The following NRCAM variants were observed in gnomAD, a reference collection of about 807,000 sequenced individuals.
The protein encoded by NRCAM is neuronal cell adhesion molecule.
Under a neutral mutation model 156.5 loss-of-function variants are expected in NRCAM, and 83 were observed. The observed-to-expected ratio is 0.53, with a 90% CI of 0.44 to 0.64. NRCAM has a LOEUF of 0.64. NRCAM is among the 30% of genes least tolerant of loss of function. The pLI is 0.00. For synonymous variants in NRCAM, 538 were observed against 563.9 expected, an observed-to-expected ratio of 0.95 and a Z score of 0.65; for missense variants, 1,417 against 1,597.3, an observed-to-expected ratio of 0.89 and a Z score of 1.92.
intron 7 of NRCAM, among the ~76,000 whole-genome samples, chr7:108,231,384 C>T (rs1012579014): frequency 2.8e-4 from 42 of 152,064 alleles, no homozygotes; most frequent in African/African-American, 1.0e-3. Context: ...TCAGTGATTC[C>T]ACAGCTGAGA....
intron 8 of NRCAM, among the ~76,000 whole-genome samples, chr7:108,227,294 A>C (rs1020152941): frequency 3.3e-5 from 5 of 152,234 alleles, no homozygotes; most frequent in African/African-American, 1.2e-4. Flanking sequence ...TTAAGGAACT[A>C]TCTTGCCTTA....
At chr7:108,357,046 T>A (rs1182066509) in intron 2 of NRCAM, among the ~76,000 whole-genome samples, 1 of 152,160 alleles carries the variant, frequency 6.6e-6, no homozygotes, top group Non-Finnish European at 1.5e-5. Flanking sequence ...AAGGGGACCC[T>A]CACCAGACAC....
At chr7:108,348,800 C>G (rs1410332386) in intron 2 of NRCAM, among the ~76,000 whole-genome samples, 1 of 150,994 alleles carries the variant, frequency 6.6e-6, no homozygotes, top group Non-Finnish European at 1.5e-5. Context: ...ACTCGGGAGG[C>G]TGAGGCAGGA....
intron 1 of NRCAM, among the ~76,000 whole-genome samples, chr7:108,431,648 G>A (rs947616166): frequency 2.6e-5 from 4 of 152,088 alleles, no homozygotes; most frequent in Admixed American, 2.6e-4. Flanking sequence ...AGCCAAGCAC[G>A]GTGACATGCA....
At chr7:108,436,739 C>T (rs1292043997) in intron 1 of NRCAM, among the ~76,000 whole-genome samples, 2 of 152,082 alleles carry the variant, frequency 1.3e-5, no homozygotes, top group Non-Finnish European at 2.9e-5. Context: ...TGACTACCTA[C>T]AGTGAAATGA....
At chr7:108,177,669 G>GTGTATATATATATA (rs2061364386) in intron 26 of NRCAM, among the ~76,000 whole-genome samples, 2 of 16,694 alleles carry the variant, frequency 1.2e-4, no homozygotes, top group African/African-American at 2.0e-4. Context: ...ATGTATATAC[G>GTGTATATATATATA]TGTATATATA....
intron 1 of NRCAM, among the ~76,000 whole-genome samples, chr7:108,436,578 G>A (rs1017559189): frequency 1.3e-5 from 2 of 152,116 alleles, no homozygotes; most frequent in African/African-American, 4.8e-5. Flanking sequence ...CAGGGGAGCT[G>A]ATTTTCTATT....
intron 2 of NRCAM, among the ~76,000 whole-genome samples, chr7:108,369,579 C>T (rs2099615641): frequency 6.6e-6 from 1 of 151,950 alleles, no homozygotes; most frequent in Non-Finnish European, 1.5e-5. Context: ...GCTCATATCA[C>T]ATTTGTAGGG....
At chr7:108,197,866 T>A in intron 14 of NRCAM, 90 bp downstream of exon 14, 2 of 965,376 alleles carry the variant, frequency 2.1e-6, no homozygotes, top group Non-Finnish European at 3.0e-6. Flanking sequence ...TTGCACATAG[T>A]AGATGCTCAA....
intron 3 of NRCAM, among the ~76,000 whole-genome samples, chr7:108,250,308 C>T: frequency 6.6e-6 from 1 of 151,684 alleles, no homozygotes. Flanking sequence ...CACCTGTAGT[C>T]CCAACTACGC....
intron 2 of NRCAM, among the ~76,000 whole-genome samples, chr7:108,329,914 T>G (rs1281413125): frequency 6.6e-6 from 1 of 152,216 alleles, no homozygotes; most frequent in Non-Finnish European, 1.5e-5. Flanking sequence ...TGATTTTCAT[T>G]CTTTCAAAAG....
intron 3 of NRCAM, among the ~76,000 whole-genome samples, chr7:108,298,834 G>A (rs1006346228): frequency 4.0e-5 from 6 of 150,784 alleles, no homozygotes; most frequent in African/African-American, 7.3e-5. Context: ...GGGGCCAGGC[G>A]CAGTGGCTCA....
At chr7:108,293,276 G>A (rs566531942) in intron 3 of NRCAM, among the ~76,000 whole-genome samples, 3 of 152,246 alleles carry the variant, frequency 2.0e-5, no homozygotes, top group Admixed American at 1.3e-4. Flanking sequence ...TCCAGCGGGC[G>A]ATCACGGCTT....
At chr7:108,168,025 C>G (rs191583629) in intron 29 of NRCAM, among the ~76,000 whole-genome samples, 1 of 152,088 alleles carries the variant, frequency 6.6e-6, no homozygotes, top group Admixed American at 6.5e-5. Context: ...GTTTCAAGTA[C>G]TATGATATGA....
rs112695783 is a variant in NRCAM, at chr7:108,336,448, A to G, written c.-173-23717T>C. On this transcript the variant is annotated intron_variant, in intron 2 of 32. Transcript: ENST00000379028. ...TCTGTAGGAATTAACAACTAAAACGACTTGCCTTTCAAACAACATTATGAA... is the reference window on the plus strand; with the variant it reads ...TCTGTAGGAATTAACAACTAAAACGGCTTGCCTTTCAAACAACATTATGAA... 8.9e-3 allele frequency among the ~76,000 whole-genome samples: 1,361 copies of G among 152,356 alleles called. 26 individuals are homozygous for G. Among genetic ancestry groups the G allele is most frequent in the African/African-American group, 0.031 (1,288 of 41,574 alleles).
Position 108,167,096 on chromosome 7 carries a change from A to C in NRCAM, c.3314-23T>G, listed in dbSNP as rs147530814. On this transcript the variant is annotated intron_variant, in intron 29 of 32. Transcript: ENST00000379028. ...TGCCTATGGAAATTTTGCAAAAACA[A>C]CACATTTGAATATTTTAAGGGACCA... The C allele has an allele frequency of 9.6e-5, 154 of 1,598,950 alleles. No individual in the cohort carries two copies. The African/African-American group carries it at 1.7e-3, about 18-fold the overall frequency.
chr7:108,321,696 C>A (rs1593274288), intron 2 of NRCAM, among the ~76,000 whole-genome samples: 1 of 152,190 alleles, frequency 6.6e-6, no homozygotes, highest in African/African-American at 2.4e-5. Flanking sequence ...CTGAGGCTCA[C>A]AAAGATCTTA....
At chr7:108,437,024 A>T (rs1482627928) in intron 1 of NRCAM, among the ~76,000 whole-genome samples, 2 of 152,252 alleles carry the variant, frequency 1.3e-5, no homozygotes, top group African/African-American at 2.4e-5. Context: ...CTAAGTGTCC[A>T]TCAACAGATG....
intron 3 of NRCAM, among the ~76,000 whole-genome samples, chr7:108,297,669 G>T (rs894308368): frequency 6.6e-6 from 1 of 152,008 alleles, no homozygotes; most frequent in East Asian, 1.9e-4. Flanking sequence ...ATTCTAAAGG[G>T]AGGGAAACAT....
Sources: gnomAD v4.1 joint callset for allele counts (sites outside exome capture counted in the v4.1 genomes callset) on GRCh38, gnomAD v4.1.1 for gene constraint, MANE v1.5 for transcripts, NCBI Gene and HGNC (gene_info 2026-07-23, HGNC 2026-07-21) for gene names.